The following SDK1 variants were observed in gnomAD, a reference collection of about 807,000 sequenced individuals.
The protein encoded by SDK1 is protein sidekick-1.
In SDK1, 157 loss-of-function variants were observed where a neutral mutation model predicts 245.5. The observed-to-expected ratio is 0.64, with a 90% confidence interval of 0.56 to 0.73. SDK1 has a LOEUF of 0.73. Among genes scored for constraint, SDK1 ranks in the 30% least tolerant of loss-of-function variants. The pLI, the probability that SDK1 is intolerant of heterozygous loss-of-function variation, is 0.00. For synonymous variants in SDK1, 1,647 were observed against 1,278.5 expected, an observed-to-expected ratio of 1.29 and a Z score of -6.15; for missense variants, 3,583 against 3,002.3, an observed-to-expected ratio of 1.19 and a Z score of -4.52.
At position 3,500,353 on chromosome 7, in the gene SDK1, C is replaced by T. The variant is rs370813565; in HGVS notation, c.299-118727C>T. On this transcript the variant is annotated intron_variant, in intron 1 of 44. Transcript: ENST00000404826. ...CTTAAAACGTCATGAGAAATGCATT[C>T]TTTGAGATCTTGTAAATTCAAAAAT... is the stretch of plus-strand genomic sequence containing the variant. Among the ~76,000 whole-genome samples, 9 of 152,172 alleles carry T rather than the reference C, an allele frequency of 5.9e-5. No individual in the cohort carries two copies. In the East Asian group the frequency reaches 1.7e-3, roughly 29 times the overall value.
At chr7:3,617,024 C>G (rs929744235) in intron 1 of SDK1, among the ~76,000 whole-genome samples, 1 of 152,144 alleles carries the variant, frequency 6.6e-6, no homozygotes, top group Non-Finnish European at 1.5e-5. Flanking sequence ...ACTTCACTGC[C>G]TACTGACTGG....
chr7:3,319,878 C>CTTTTTTTTATTTTTTTTTTTTTT (rs1779755281), intron 1 of SDK1, among the ~76,000 whole-genome samples: 1 of 88,102 alleles, frequency 1.1e-5, no homozygotes, highest in Non-Finnish European at 2.2e-5. Context: ...CATTCTTAGT[C>CTTTTTTTTATTTTTTTTTTTTTT]TTTTTTTTTT....
intron 19 of SDK1, among the ~76,000 whole-genome samples, chr7:4,054,449 A>G (rs955791292): frequency 1.3e-5 from 2 of 152,082 alleles, no homozygotes; most frequent in African/African-American, 4.8e-5. Flanking sequence ...TCTTTTGTGC[A>G]TATGTGTGTG....
intron 1 of SDK1, among the ~76,000 whole-genome samples, chr7:3,461,076 G>A (rs1256993447): frequency 6.6e-6 from 1 of 152,144 alleles, no homozygotes; most frequent in African/African-American, 2.4e-5. Flanking sequence ...GGGCTTGTAA[G>A]GTTTCAGTTT....
At chr7:4,125,262 GTGATGGATGGA>G (rs543258998) in intron 25 of SDK1, among the ~76,000 whole-genome samples, 1 of 148,124 alleles carries the variant, frequency 6.8e-6, no homozygotes, top group Non-Finnish European at 1.5e-5. Context: ...GGATGGATGG[GTGATGGATGGA>G]TGGATATGTA....
At chr7:3,922,170 T>G (rs1367153361) in intron 5 of SDK1, among the ~76,000 whole-genome samples, 1 of 152,200 alleles carries the variant, frequency 6.6e-6, no homozygotes, top group Non-Finnish European at 1.5e-5. Flanking sequence ...CTCTGCCTTT[T>G]AGTTAAGACG....
intron 4 of SDK1, among the ~76,000 whole-genome samples, chr7:3,808,078 G>A (rs900789219): frequency 1.3e-5 from 2 of 152,154 alleles, no homozygotes; most frequent in Non-Finnish European, 1.5e-5. Context: ...GTCATCTCTG[G>A]ATCCAAACCT....
chr7:3,579,477 C>A (rs546591773), intron 1 of SDK1, among the ~76,000 whole-genome samples: 1 of 152,136 alleles, frequency 6.6e-6, no homozygotes, highest in South Asian at 2.1e-4. Flanking sequence ...ATTCAGTATC[C>A]CTTCAAGTTA....
intron 5 of SDK1, among the ~76,000 whole-genome samples, chr7:3,921,637 G>T (rs1373509021): frequency 6.6e-6 from 1 of 152,108 alleles, no homozygotes; most frequent in Non-Finnish European, 1.5e-5. Flanking sequence ...GCGCCAAGAA[G>T]CTGATTCCTG....
intron 4 of SDK1, among the ~76,000 whole-genome samples, chr7:3,811,324 C>T (rs1779377543): frequency 6.6e-6 from 1 of 152,142 alleles, no homozygotes; most frequent in Non-Finnish European, 1.5e-5. Flanking sequence ...TTAAGGGCCT[C>T]TCTATATTAA....
At chr7:3,540,682 G>C (rs1018143635) in intron 1 of SDK1, among the ~76,000 whole-genome samples, 1 of 152,174 alleles carries the variant, frequency 6.6e-6, no homozygotes, top group African/African-American at 2.4e-5. Context: ...TCTGACACAA[G>C]CATGGTGCAG....
intron 41 of SDK1, 126 bp from the exon 42 acceptor site, chr7:4,237,521 G>T: frequency 9.2e-7 from 1 of 1,082,914 alleles, no homozygotes; most frequent in Non-Finnish European, 1.4e-6. Context: ...CTGGACATTG[G>T]TTTCATCTCA....
chr7:3,897,670 T>C (rs1191730368), intron 5 of SDK1, among the ~76,000 whole-genome samples: 1 of 152,228 alleles, frequency 6.6e-6, no homozygotes, highest in Non-Finnish European at 1.5e-5. Flanking sequence ...TTCTTCTTAA[T>C]GTTCAACAAC....
chr7:3,447,421 C>CAG (rs1780372782), intron 1 of SDK1, among the ~76,000 whole-genome samples: 1 of 152,072 alleles, frequency 6.6e-6, no homozygotes, highest in African/African-American at 2.4e-5. Context: ...CAAGTACACA[C>CAG]ACACACTCAC....
chr7:3,399,194 T>G lies in SDK1; in HGVS notation c.298+97310T>G, dbSNP rs146035344. ...CAGACCACATAATCTCAATGTATCT[T>G]TGAATTTGCTGGGTCTTTTTTCTGC... On this transcript the variant is annotated intron_variant, in intron 1 of 44. Coordinates refer to ENST00000404826, the MANE Select transcript of SDK1 (RefSeq NM_152744.4). Among the ~76,000 whole-genome samples the G allele has an allele frequency of 2.3e-4, 35 of 152,220 alleles. No individual in the cohort carries two copies. The East Asian group carries it at 5.6e-3, about 24-fold the overall frequency.
chr7:3,557,584 T>G (rs1054699876), intron 1 of SDK1, among the ~76,000 whole-genome samples: 3 of 152,198 alleles, frequency 2.0e-5, no homozygotes, highest in African/African-American at 7.2e-5. Context: ...AATATCAAAC[T>G]GAGGAAATCT....
At chr7:3,330,047 C>T (rs79215064) in intron 1 of SDK1, among the ~76,000 whole-genome samples, 3,514 of 152,268 alleles carry the variant, frequency 0.023, 144 homozygotes, top group African/African-American at 0.079. Context: ...CTTTTTATGG[C>T]TAAATAGTAT....
intron 1 of SDK1, among the ~76,000 whole-genome samples, chr7:3,474,333 GTCC>G (rs1781282424): frequency 6.6e-6 from 1 of 151,402 alleles, no homozygotes; most frequent in South Asian, 2.1e-4. Flanking sequence ...TGACCTCGTT[GTCC>G]GCCTGCCTCA....
intron 14 of SDK1, among the ~76,000 whole-genome samples, chr7:4,005,278 G>A (rs868154263): frequency 1.3e-5 from 2 of 151,506 alleles, no homozygotes; most frequent in Admixed American, 6.6e-5. Flanking sequence ...ATCTCTTGAC[G>A]TCGTGATCCA....
Sources: allele counts gnomAD v4.1 joint callset (sites outside exome capture counted in the v4.1 genomes callset), GRCh38; gene constraint gnomAD v4.1.1; transcripts MANE v1.5; gene names NCBI Gene and HGNC (gene_info 2026-07-23, HGNC 2026-07-21).